Variants in BLTP1 observed in about 807,000 individuals in gnomAD.
BLTP1 encodes the protein bridge-like lipid transfer protein family member 1.
the BLTP1 span, chr4:122,334,685 T>C: frequency 1.3e-6 from 1 of 785,348 alleles, no homozygotes; most frequent in Non-Finnish European, 1.9e-6. Context: ...ACAGACTTCA[T>C]ATATGGAAGT....
At chr4:122,181,550 G>C in the BLTP1 span, among the ~76,000 whole-genome samples, 1 of 151,630 alleles carries the variant, frequency 6.6e-6, no homozygotes. Context: ...CTGATTATAA[G>C]GTCTTGTTAG....
chr4:122,184,001 A>G, the BLTP1 span, among the ~76,000 whole-genome samples: 2 of 152,170 alleles, frequency 1.3e-5, no homozygotes, highest in Admixed American at 1.3e-4. Context: ...TGTTAACAAT[A>G]TGGCTTATGT....
chr4:122,356,925 A>G, the BLTP1 span: 6 of 984,914 alleles, frequency 6.1e-6, no homozygotes, highest in Non-Finnish European at 7.2e-6. Flanking sequence ...AGTACTTGCT[A>G]TATATACAGC....
chr4:122,313,765 A>G, the BLTP1 span: 39 of 856,914 alleles, frequency 4.6e-5, no homozygotes, highest in Non-Finnish European at 6.4e-5. Context: ...CTTTTGGCTA[A>G]GCTAATTCTG....
At chr4:122,340,830 GA>G in the BLTP1 span, 4 of 953,098 alleles carry the variant, frequency 4.2e-6, no homozygotes, top group Non-Finnish European at 5.0e-6. Context: ...ATTCATTATA[GA>G]AAATGAAAAG....
chr4:122,200,690 G>C, the BLTP1 span: 1 of 984,762 alleles, frequency 1.0e-6, no homozygotes, highest in Non-Finnish European at 1.2e-6. Context: ...TCACTTAACA[G>C]ATGAGGCTTA....
the BLTP1 span, among the ~76,000 whole-genome samples, chr4:122,329,051 TC>T: frequency 4.6e-5 from 7 of 151,790 alleles, no homozygotes; most frequent in Non-Finnish European, 8.8e-5. Context: ...GATTCTTTCC[TC>T]CCTTTCCTAG....
chr4:122,257,412 A>G, the BLTP1 span: 6 of 1,613,932 alleles, frequency 3.7e-6, no homozygotes, highest in African/African-American at 6.7e-5. Flanking sequence ...GACCATGAAC[A>G]TGAAGATGGA....
the BLTP1 span, chr4:122,202,044 T>C: frequency 9.8e-6 from 2 of 204,092 alleles, no homozygotes; most frequent in Admixed American, 1.3e-4. Context: ...ACCCTAATTT[T>C]GCTATTACTA....
the BLTP1 span, chr4:122,219,427 T>C: frequency 6.2e-7 from 1 of 1,614,020 alleles, no homozygotes. Context: ...ATCATCCAGC[T>C]CTGGGTGGAC....
the BLTP1 span, chr4:122,304,749 G>A: frequency 6.3e-7 from 1 of 1,599,996 alleles, no homozygotes; most frequent in South Asian, 1.1e-5. Flanking sequence ...GTAGGTATAT[G>A]TTGTTGATTT....
the BLTP1 span, chr4:122,186,088 T>C: frequency 6.2e-7 from 1 of 1,611,672 alleles, no homozygotes; most frequent in Non-Finnish European, 8.5e-7. Context: ...TTGAATTTCA[T>C]GTCTATAATC....
At chr4:122,343,699 C>T in the BLTP1 span, 1 of 1,373,734 alleles carries the variant, frequency 7.3e-7, no homozygotes, top group Admixed American at 2.1e-5. Flanking sequence ...AGGACATAGC[C>T]AAGATCAGAT....
At chr4:122,221,854 A>C in the BLTP1 span, 3 of 982,738 alleles carry the variant, frequency 3.1e-6, no homozygotes, top group Admixed American at 1.8e-4. Flanking sequence ...TTAGATGACT[A>C]TCCCTGGTTT....
chr4:122,183,036 CAAAAAG>C, the BLTP1 span: 1 of 984,640 alleles, frequency 1.0e-6, no homozygotes, highest in Non-Finnish European at 1.2e-6. Context: ...CTACTTTTCT[CAAAAAG>C]AAAAAAAGCT....
At chr4:122,229,806 C>G in the BLTP1 span, 3 of 1,312,516 alleles carry the variant, frequency 2.3e-6, no homozygotes, top group African/African-American at 3.0e-5. Context: ...TTTCTTTTTC[C>G]TTTATTTTCT....
At chr4:122,326,631 C>T in the BLTP1 span, among the ~76,000 whole-genome samples, 4 of 151,364 alleles carry the variant, frequency 2.6e-5, no homozygotes, top group South Asian at 2.1e-4. Flanking sequence ...CTAGATGATT[C>T]TCAAAGGGAT....
At chr4:122,359,919 G>A in the BLTP1 span, 1 of 985,370 alleles carries the variant, frequency 1.0e-6, no homozygotes, top group Non-Finnish European at 1.2e-6. Flanking sequence ...AAGTACAAAT[G>A]TTGAGAATAG....
the BLTP1 span, chr4:122,254,985 A>G: frequency 6.5e-7 from 1 of 1,534,754 alleles, no homozygotes; most frequent in African/African-American, 1.4e-5. Context: ...AAGGTATTAT[A>G]CAAACTTTAG....
Sources: allele counts gnomAD v4.1 joint callset (sites outside exome capture counted in the v4.1 genomes callset), GRCh38; gene constraint gnomAD v4.1.1; transcripts MANE v1.5; gene names NCBI Gene and HGNC (gene_info 2026-07-23, HGNC 2026-07-21).